Variants in AMY2B observed in about 807,000 individuals in gnomAD.
The protein encoded by AMY2B is amylase alpha 2B, also known as alpha-amylase 2B.
Under a neutral mutation model 59.3 loss-of-function variants are expected in AMY2B, and 63 were observed. That is an observed-to-expected ratio of 1.06 (90% CI 0.87 to 1.31). The LOEUF (loss-of-function observed/expected upper bound fraction) is 1.31. Ranked by LOEUF, AMY2B falls within the 50% of genes most tolerant of loss-of-function variation. The pLI, the probability that AMY2B is intolerant of heterozygous loss-of-function variation, is 0.00. For missense variants in AMY2B, 635 were observed against 626.7 expected, an observed-to-expected ratio of 1.01 and a Z score of -0.14; for synonymous variants, 180 against 198.1, an observed-to-expected ratio of 0.91 and a Z score of 0.77.
At chr1:103,571,931 A>G (rs1200709527) in intron 1 of AMY2B, among the ~76,000 whole-genome samples, 161 bp downstream of exon 1, 3 of 152,188 alleles carry the variant, frequency 2.0e-5, no homozygotes, top group Non-Finnish European at 4.4e-5. Flanking sequence ...TGGCAACTTT[A>G]TATTTTGTTT....
chr1:103,570,392 C>A, upstream of AMY2B: 1 of 870,900 alleles, frequency 1.1e-6, no homozygotes, highest in Non-Finnish European at 1.9e-6. Context: ...TCTTCAACTC[C>A]ATCATGAAGT....
intron 1 of AMY2B, 147 bp from the exon 2 acceptor site, chr1:103,571,962 CA>C (rs1652150492): frequency 6.5e-7 from 1 of 1,534,558 alleles, no homozygotes. Context: ...CTTTCTTCAA[CA>C]AGAGCCCTCC....
At chr1:103,574,181 T>G in intron 4 of AMY2B, 79 bp from the exon 5 acceptor site, 1 of 1,587,236 alleles carries the variant, frequency 6.3e-7, no homozygotes, top group Non-Finnish European at 8.6e-7. Flanking sequence ...AAAGCTATCT[T>G]TTATATAATA....
chr1:103,571,674 A>G lies in AMY2B; in HGVS notation c.72A>G (p.Gly24=). 6 of 1,611,888 alleles carry G rather than the reference A, an allele frequency of 3.7e-6. No homozygotes were observed. Among genetic ancestry groups the G allele is most frequent in the Non-Finnish European group, 5.1e-6 (6 of 1,179,828 alleles). The part of the protein sequence containing the change: ...WAQYSPNTQQ[G]RTSIVHLFEW... ...AGTATTCCCCAAATACACAACAAGG[A>G]CGGACATCTATTGTTCATCTGTTTG... Residue 24 remains glycine, a synonymous_variant, in exon 1 of 10, where the codon GGA becomes GGG. Transcript: ENST00000684275.
chr1:103,574,040 A>G, intron 4 of AMY2B, 102 bp downstream of exon 4: 1 of 1,582,572 alleles, frequency 6.3e-7, no homozygotes, highest in South Asian at 1.1e-5. Flanking sequence ...GGACTGAGTC[A>G]TTTATATAAA....
At chr1:103,570,273 G>C, upstream of AMY2B, 3 of 561,288 alleles carry the variant, frequency 5.3e-6, no homozygotes, top group Non-Finnish European at 1.1e-5. Flanking sequence ...AGAGATATGA[G>C]CTGCCTGATG....
At position 103,574,331 on chromosome 1, in the gene AMY2B, G is replaced by T; in HGVS notation, c.816G>T (p.Lys272Asn). 1 of 1,611,806 alleles carries T rather than the reference G, an allele frequency of 6.2e-7. No individual in the cohort carries two copies. The highest frequency in any genetic ancestry group is 8.5e-7 in the Non-Finnish European group (1 of 1,179,738). ...YFGNGRVTEF[K>N]YGAKLGTVIR... Reference sequence around the variant, plus strand: ...GAAATGGCCGGGTGACAGAATTCAAGTATGGTGCAAAACTCGGCACAGTTA... The same window carrying T: ...GAAATGGCCGGGTGACAGAATTCAATTATGGTGCAAAACTCGGCACAGTTA... The change falls in exon 5 of 10, where the codon AAG (lysine) becomes AAT (asparagine). Residue 272 changes from lysine to asparagine, a missense_variant. Physicochemically the swap from Lys to Asn is moderately conservative, Grantham distance 94 (BLOSUM62 0). Transcript: ENST00000684275.
chr1:103,575,603 C>G, intron 7 of AMY2B, 63 bp downstream of exon 7: 2 of 1,590,394 alleles, frequency 1.3e-6, no homozygotes, highest in Non-Finnish European at 1.7e-6. Flanking sequence ...CTTGTTCTAA[C>G]TTAATATGAC....
chr1:103,564,025 A>T (rs186183956), intron 1 of AMY2B, among the ~76,000 whole-genome samples: 72 of 152,284 alleles, frequency 4.7e-4, no homozygotes, highest in Non-Finnish European at 9.3e-4. Flanking sequence ...GCGGAAAGAC[A>T]GTATGAGTTG....
chr1:103,554,844 T>C (rs1651494238), exon 1 of AMY2B: 1 of 152,602 alleles, frequency 6.6e-6, no homozygotes, highest in African/African-American at 2.4e-5. Flanking sequence ...TATTTTTCTG[T>C]AGGCATAGTT....
chr1:103,570,519 A>G, upstream of AMY2B: 1 of 625,020 alleles, frequency 1.6e-6, no homozygotes, highest in Non-Finnish European at 3.1e-6. Flanking sequence ...ACCTAGCACC[A>G]TGAAGATCAA....
upstream of AMY2B, chr1:103,568,570 T>A (rs1202697141): frequency 6.6e-6 from 1 of 152,146 alleles, no homozygotes; most frequent in Admixed American, 6.5e-5. Flanking sequence ...ACAGGGCTGA[T>A]TTTAAAAATG....
At chr1:103,578,795 GGAGATT>G (rs1305738683) in intron 9 of AMY2B, among the ~76,000 whole-genome samples, 1 of 138,108 alleles carries the variant, frequency 7.2e-6, no homozygotes, top group Non-Finnish European at 1.5e-5. Flanking sequence ...GGGGAAAAAA[GGAGATT>G]AAAAAAATAA....
chr1:103,579,261 ATTC>A (rs776590260), intron 9 of AMY2B, 47 bp from the exon 10 acceptor site: 6 of 1,611,438 alleles, frequency 3.7e-6, no homozygotes, highest in South Asian at 3.3e-5. Flanking sequence ...GTTAGCCTGT[ATTC>A]TTGATTTTCA....
At chr1:103,573,286 G>C (rs779165450) in intron 3 of AMY2B, 26 bp downstream of exon 3, 1 of 1,613,346 alleles carries the variant, frequency 6.2e-7, no homozygotes, top group South Asian at 1.1e-5. Context: ...AGAGTCATCT[G>C]AATAAGGGGT....
intron 1 of AMY2B, among the ~76,000 whole-genome samples, chr1:103,564,773 A>G (rs1257708663): frequency 6.6e-6 from 1 of 151,996 alleles, no homozygotes; most frequent in Non-Finnish European, 1.5e-5. Context: ...GAAAACTACC[A>G]ATTCTCTGCT....
chr1:103,575,895 C>T (rs773114492), intron 7 of AMY2B: 23 of 189,778 alleles, frequency 1.2e-4, no homozygotes, highest in Non-Finnish European at 2.2e-4. Context: ...TTTTAGAGAA[C>T]TTAAAACATC....
chr1:103,562,580 G>A (rs961927458), intron 1 of AMY2B, among the ~76,000 whole-genome samples: 7 of 151,158 alleles, frequency 4.6e-5, no homozygotes, highest in Non-Finnish European at 8.8e-5. Context: ...AGGTATTTCA[G>A]TTGTAATTTT....
At chr1:103,562,000 A>G (rs940447184) in intron 1 of AMY2B, 1 of 152,242 alleles carries the variant, frequency 6.6e-6, no homozygotes, top group Admixed American at 6.5e-5. Context: ...CCAACTGAAG[A>G]AAAAGCAAAA....
Sources: gnomAD v4.1 joint callset for allele counts (sites outside exome capture counted in the v4.1 genomes callset) on GRCh38, gnomAD v4.1.1 for gene constraint, MANE v1.5 for transcripts, NCBI Gene and HGNC (gene_info 2026-07-23, HGNC 2026-07-21) for gene names.